The following UNC13C variants were observed in gnomAD, a reference collection of about 807,000 sequenced individuals.
UNC13C encodes the protein protein unc-13 homolog C.
In UNC13C, 174 loss-of-function variants were observed where a neutral mutation model predicts 245.4. That is an observed-to-expected ratio of 0.71 (90% CI 0.63 to 0.80). The LOEUF (loss-of-function observed/expected upper bound fraction) is 0.80, where lower values mean the gene tolerates loss of function less well. Ranked by LOEUF, UNC13C falls within the 30% of genes least tolerant of loss-of-function variation. UNC13C has a pLI of 0.00. For missense variants in UNC13C, 2,829 were observed against 2,602.9 expected (o/e 1.09, Z -1.89); for synonymous variants, 992 against 895.1 (o/e 1.11, Z -1.93).
intron 17 of UNC13C, among the ~76,000 whole-genome samples, chr15:54,352,451 G>T (rs140630891): frequency 1.3e-5 from 2 of 150,938 alleles, no homozygotes; most frequent in Admixed American, 6.6e-5. Context: ...TGAATAAAAT[G>T]GTGTTGCATT....
intron 4 of UNC13C, among the ~76,000 whole-genome samples, chr15:54,176,218 A>C (rs1000759871): frequency 6.6e-6 from 1 of 152,158 alleles, no homozygotes; most frequent in African/African-American, 2.4e-5. Context: ...AAATTTTATT[A>C]AGGCTGCTTC....
chr15:54,035,555 T>A (rs537134416), intron 2 of UNC13C, among the ~76,000 whole-genome samples: 1 of 152,282 alleles, frequency 6.6e-6, no homozygotes, highest in Admixed American at 6.5e-5. Flanking sequence ...ACTGGCCTTC[T>A]TCTACTCACT....
chr15:54,242,169 A>G (rs1416345698), intron 7 of UNC13C, among the ~76,000 whole-genome samples: 1 of 152,216 alleles, frequency 6.6e-6, no homozygotes, highest in East Asian at 1.9e-4. Context: ...TTAATAAGAT[A>G]AGTGAGGAAG....
chr15:53,885,353 C>T, the UNC13C span, among the ~76,000 whole-genome samples: 6,871 of 152,234 alleles, frequency 0.045, 530 homozygotes, highest in African/African-American at 0.16. Context: ...CTAGACAGGC[C>T]ACTGTCTACA....
chr15:53,844,359 A>G, the UNC13C span, among the ~76,000 whole-genome samples: 4 of 152,300 alleles, frequency 2.6e-5, no homozygotes, highest in Middle Eastern at 3.4e-3. Context: ...TATTCAGACT[A>G]CTGCAATGAG....
intron 2 of UNC13C, among the ~76,000 whole-genome samples, chr15:54,052,710 A>C (rs772286293): frequency 1.3e-5 from 2 of 152,238 alleles, no homozygotes; most frequent in African/African-American, 4.8e-5. Flanking sequence ...AATTTGTTTT[A>C]TAAGTTGTTT....
At chr15:54,058,693 T>A (rs1006734551) in intron 2 of UNC13C, among the ~76,000 whole-genome samples, 16 of 152,096 alleles carry the variant, frequency 1.1e-4, no homozygotes, top group African/African-American at 3.6e-4. Flanking sequence ...CTTGATGAAC[T>A]TTGATGCAAA....
chr15:54,406,173 G>T lies in UNC13C; in HGVS notation c.4848-8809G>T, dbSNP rs1342726366. Among the ~76,000 whole-genome samples, 5 of 152,180 alleles carry T rather than the reference G, an allele frequency of 3.3e-5. No individual in the cohort carries two copies. The East Asian group carries it at 9.6e-4, about 29-fold the overall frequency. On this transcript the variant is annotated intron_variant, in intron 18 of 32. Coordinates refer to ENST00000260323, the MANE Select transcript of UNC13C (RefSeq NM_001080534.3). ...ATGATTAAATTTGAGTATATTTTGTGCTAGGTTCGACGAAAAGTGGAGAAT... is the reference window on the plus strand; with the variant it reads ...ATGATTAAATTTGAGTATATTTTGTTCTAGGTTCGACGAAAAGTGGAGAAT...
At chr15:54,219,535 A>G (rs1274980602) in intron 4 of UNC13C, among the ~76,000 whole-genome samples, 1 of 148,014 alleles carries the variant, frequency 6.8e-6, no homozygotes, top group African/African-American at 2.5e-5. Context: ...GGACATAGGC[A>G]TGGGCAAGGA....
At chr15:54,050,836 T>G in intron 2 of UNC13C, 1 of 581,126 alleles carries the variant, frequency 1.7e-6, no homozygotes, top group Non-Finnish European at 3.4e-6. Context: ...TTACTAATTC[T>G]TGATGCTTTG....
upstream of UNC13C, among the ~76,000 whole-genome samples, chr15:53,974,317 T>C (rs1025908170): frequency 6.6e-6 from 1 of 152,298 alleles, no homozygotes; most frequent in South Asian, 2.1e-4. Context: ...CAAAGCTAAT[T>C]GGCTACACAG....
intron 4 of UNC13C, among the ~76,000 whole-genome samples, chr15:54,147,026 C>G (rs2032289416): frequency 6.6e-6 from 1 of 152,062 alleles, no homozygotes; most frequent in Admixed American, 6.6e-5. Flanking sequence ...TTATCTCCAC[C>G]AAGTTTAGCC....
chr15:53,888,591 T>G, the UNC13C span, among the ~76,000 whole-genome samples: 3 of 152,248 alleles, frequency 2.0e-5, no homozygotes, highest in African/African-American at 7.2e-5. Flanking sequence ...TTGTTGCCAT[T>G]GCTTTTGGTG....
intron 17 of UNC13C, among the ~76,000 whole-genome samples, chr15:54,352,035 T>G (rs551619184): frequency 4.6e-5 from 7 of 151,764 alleles, no homozygotes; most frequent in African/African-American, 1.7e-4. Flanking sequence ...TATACAGAGA[T>G]AGAATTAAAG....
In UNC13C at chr15:54,556,984, G is replaced by C. The variant is rs561410653; in HGVS notation, c.5958+1472G>C. ...GGGGCCAGATGATCACCACCTGCTG[G>C]CTGAGTTCTTCTCAGAGTCTAAGAT... On this transcript the variant is annotated intron_variant, in intron 29 of 32. Coordinates refer to ENST00000260323, the MANE Select transcript of UNC13C (RefSeq NM_001080534.3). Among the ~76,000 whole-genome samples the C allele has an allele frequency of 3.9e-5, 6 of 152,086 alleles. 1 individual carries two copies. Among genetic ancestry groups the C allele is most frequent in the African/African-American group, 1.4e-4 (6 of 41,514 alleles).
At chr15:53,991,293 A>G (rs1018422956) in intron 1 of UNC13C, among the ~76,000 whole-genome samples, 2 of 152,108 alleles carry the variant, frequency 1.3e-5, no homozygotes, top group African/African-American at 4.8e-5. Flanking sequence ...CATGAGTCCA[A>G]TGCTGCATCT....
intron 2 of UNC13C, among the ~76,000 whole-genome samples, chr15:54,125,978 C>T (rs1481376666): frequency 6.6e-6 from 1 of 152,012 alleles, no homozygotes; most frequent in Non-Finnish European, 1.5e-5. Flanking sequence ...ACAATACGTA[C>T]AGTAACCTCT....
At chr15:54,209,134 GT>G (rs2034802253) in intron 4 of UNC13C, among the ~76,000 whole-genome samples, 1 of 152,086 alleles carries the variant, frequency 6.6e-6, no homozygotes, top group Non-Finnish European at 1.5e-5. Flanking sequence ...TACTGTGAAT[GT>G]TCAGCTATAT....
At chr15:54,147,968 A>G (rs977845602) in intron 4 of UNC13C, among the ~76,000 whole-genome samples, 2 of 152,316 alleles carry the variant, frequency 1.3e-5, no homozygotes, top group Non-Finnish European at 2.9e-5. Flanking sequence ...TCTGCAGTAC[A>G]GTTCTCATAG....
Sources: gnomAD v4.1 joint callset for allele counts (sites outside exome capture counted in the v4.1 genomes callset) on GRCh38, gnomAD v4.1.1 for gene constraint, MANE v1.5 for transcripts, NCBI Gene and HGNC (gene_info 2026-07-23, HGNC 2026-07-21) for gene names.